The following LINGO2 variants were observed in gnomAD, a reference collection of about 807,000 sequenced individuals.
The protein encoded by LINGO2 is leucine rich repeat and Ig domain containing 2, also known as leucine-rich repeat and immunoglobulin-like domain-containing nogo receptor-interacting protein 2.
In LINGO2, 14 loss-of-function variants were observed where a neutral mutation model predicts 30.6. The observed-to-expected ratio is 0.46, with a 90% CI of 0.30 to 0.72. The LOEUF (loss-of-function observed/expected upper bound fraction) is 0.72. LINGO2 is among the 30% of genes least tolerant of loss of function. LINGO2 has a pLI of 0.07. For missense variants in LINGO2, 729 were observed against 751.7 expected (o/e 0.97, Z 0.35); for synonymous variants, 317 against 288.5 (o/e 1.10, Z -1.00).
intron 5 of LINGO2, among the ~76,000 whole-genome samples, chr9:28,010,356 A>G (rs1181180072): frequency 1.3e-5 from 2 of 152,192 alleles, no homozygotes. Context: ...GCCCTAACAT[A>G]GTTTGTAACC....
At chr9:29,173,876 A>G in the LINGO2 span, among the ~76,000 whole-genome samples, 137 of 152,196 alleles carry the variant, frequency 9.0e-4, no homozygotes, top group Admixed American at 1.6e-3. Flanking sequence ...ATAAGAGTAA[A>G]TTTGTACCTT....
the LINGO2 span, among the ~76,000 whole-genome samples, chr9:29,080,831 T>C: frequency 6.6e-6 from 1 of 152,138 alleles, no homozygotes; most frequent in Non-Finnish European, 1.5e-5. Flanking sequence ...ATTTCTGTTC[T>C]TTTACATTTG....
At chr9:28,771,485 G>C in the LINGO2 span, among the ~76,000 whole-genome samples, 7,153 of 137,986 alleles carry the variant, frequency 0.052, 313 homozygotes, top group Admixed American at 0.13. Flanking sequence ...GTGTGTGTGT[G>C]TGTGTGTGTG....
chr9:29,119,801 T>A, the LINGO2 span, among the ~76,000 whole-genome samples: 1 of 152,070 alleles, frequency 6.6e-6, no homozygotes. Flanking sequence ...TTTCACCATG[T>A]TGGCCAGGCT....
At chr9:28,098,455 A>T (rs1323547509) in intron 4 of LINGO2, among the ~76,000 whole-genome samples, 1 of 152,182 alleles carries the variant, frequency 6.6e-6, no homozygotes, top group Non-Finnish European at 1.5e-5. Context: ...TGTTTCCTAA[A>T]CCTGCACCAC....
At chr9:28,190,837 C>A (rs1472682890) in intron 4 of LINGO2, among the ~76,000 whole-genome samples, 1 of 152,148 alleles carries the variant, frequency 6.6e-6, no homozygotes, top group African/African-American at 2.4e-5. Flanking sequence ...ATAATAGATA[C>A]TCTTGCTGAA....
the LINGO2 span, among the ~76,000 whole-genome samples, chr9:28,734,570 T>C: frequency 1.3e-5 from 2 of 152,128 alleles, no homozygotes; most frequent in African/African-American, 4.8e-5. Context: ...ATACAGCTGC[T>C]AAATGGTAGA....
chr9:28,290,257 C>T (rs115375448), intron 4 of LINGO2, among the ~76,000 whole-genome samples: 1,811 of 152,222 alleles, frequency 0.012, 29 homozygotes, highest in African/African-American at 0.038. Context: ...GTGGGCCTAG[C>T]GCTGTATTAA....
chr9:29,102,382 A>G, the LINGO2 span, among the ~76,000 whole-genome samples: 4 of 152,246 alleles, frequency 2.6e-5, no homozygotes, highest in Middle Eastern at 3.4e-3. Context: ...CACCTGGCCC[A>G]TCTGCAGCTT....
At chr9:28,837,682 T>TATATATATATATATA in the LINGO2 span, among the ~76,000 whole-genome samples, 4 of 46,804 alleles carry the variant, frequency 8.5e-5, no homozygotes, top group South Asian at 1.1e-3. Context: ...ATATATATAT[T>TATATATATATATATA]TAGGATAACA....
chr9:28,344,214 C>G (rs891744206), intron 3 of LINGO2, among the ~76,000 whole-genome samples: 2 of 151,970 alleles, frequency 1.3e-5, no homozygotes, highest in Non-Finnish European at 2.9e-5. Flanking sequence ...AGAAAAACAA[C>G]CTGGATCTTT....
At chr9:28,839,195 G>T in the LINGO2 span, among the ~76,000 whole-genome samples, 1 of 152,282 alleles carries the variant, frequency 6.6e-6, no homozygotes, top group South Asian at 2.1e-4. Flanking sequence ...CAAGTGAGGG[G>T]CGTGTTTCAG....
intron 3 of LINGO2, among the ~76,000 whole-genome samples, chr9:28,353,546 C>G (rs1358550964): frequency 2.0e-5 from 3 of 151,336 alleles, no homozygotes; most frequent in African/African-American, 7.2e-5. Flanking sequence ...CACTTTTACA[C>G]TGTTGGTGGG....
chr9:28,244,639 G>A (rs1821931219), intron 4 of LINGO2, among the ~76,000 whole-genome samples: 1 of 152,054 alleles, frequency 6.6e-6, no homozygotes, highest in Non-Finnish European at 1.5e-5. Flanking sequence ...TGACCTCACA[G>A]AAATACAAAC....
At chr9:29,018,526 A>T in the LINGO2 span, among the ~76,000 whole-genome samples, 1 of 152,144 alleles carries the variant, frequency 6.6e-6, no homozygotes, top group East Asian at 1.9e-4. Context: ...TGCCTTATAT[A>T]CATTAACTCA....
At chr9:29,146,448 T>C in the LINGO2 span, among the ~76,000 whole-genome samples, 2 of 152,138 alleles carry the variant, frequency 1.3e-5, no homozygotes, top group Non-Finnish European at 2.9e-5. Context: ...TATTGCTGCT[T>C]TTGCCCACAA....
chr9:28,405,185 A>G (rs1822448062), intron 2 of LINGO2, among the ~76,000 whole-genome samples: 1 of 152,160 alleles, frequency 6.6e-6, no homozygotes, highest in Non-Finnish European at 1.5e-5. Flanking sequence ...AAAACTTTCA[A>G]AGAACACTAA....
At chr9:29,006,381 G>C in the LINGO2 span, among the ~76,000 whole-genome samples, 187 of 151,972 alleles carry the variant, frequency 1.2e-3, 1 homozygote, top group African/African-American at 4.3e-3. Context: ...AAACTAAAGA[G>C]AGACTCACCT....
intron 3 of LINGO2, among the ~76,000 whole-genome samples, chr9:28,346,815 G>C (rs1482137000): frequency 6.6e-6 from 1 of 150,648 alleles, no homozygotes; most frequent in Non-Finnish European, 1.5e-5. Context: ...TCATATGCTT[G>C]TTGGCCACAT....
Sources: gnomAD v4.1 joint callset for allele counts (sites outside exome capture counted in the v4.1 genomes callset) on GRCh38, gnomAD v4.1.1 for gene constraint, MANE v1.5 for transcripts, NCBI Gene and HGNC (gene_info 2026-07-23, HGNC 2026-07-21) for gene names.